The following EPHB1 variants were observed in gnomAD, a reference collection of about 807,000 sequenced individuals.
EPHB1 encodes ephrin type-B receptor 1.
EPHB1 carries 30 observed loss-of-function variants against 94.4 expected under a neutral mutation model. That is an observed-to-expected ratio of 0.32 (90% CI 0.24 to 0.43). The LOEUF is 0.43. EPHB1 is among the 20% of genes least tolerant of loss of function. The pLI, the probability that EPHB1 is intolerant of heterozygous loss-of-function variation, is 1.00. For synonymous variants in EPHB1, 522 were observed against 489.1 expected, an observed-to-expected ratio of 1.07 and a Z score of -0.89; for missense variants, 1,055 against 1,308.3, an observed-to-expected ratio of 0.81 and a Z score of 2.99.
intron 6 of EPHB1, 60 bp downstream of exon 6, chr3:135,154,336 G>A: frequency 6.2e-7 from 1 of 1,605,008 alleles, no homozygotes; most frequent in Non-Finnish European, 8.5e-7. Context: ...TCCATGGATG[G>A]TTGCTAGCTG....
At chr3:135,231,914 TACA>T (rs1943540233) in intron 12 of EPHB1, among the ~76,000 whole-genome samples, 1 of 152,178 alleles carries the variant, frequency 6.6e-6, no homozygotes, top group Non-Finnish European at 1.5e-5. Flanking sequence ...GGTAATAAAT[TACA>T]GTGTCACCAT....
chr3:135,198,725 G>A (rs1942685609), intron 11 of EPHB1, among the ~76,000 whole-genome samples: 1 of 152,202 alleles, frequency 6.6e-6, no homozygotes, highest in Non-Finnish European at 1.5e-5. Flanking sequence ...TGTTAGCAGG[G>A]ATCATTGCTA....
intron 3 of EPHB1, among the ~76,000 whole-genome samples, chr3:135,018,933 G>T (rs184507170): frequency 6.6e-6 from 1 of 152,320 alleles, no homozygotes; most frequent in Admixed American, 6.5e-5. Context: ...TAGGGACTGA[G>T]AGATAGGAAT....
chr3:135,162,186 G>A lies in EPHB1; in HGVS notation c.1585+6G>A, dbSNP rs1941527821. ...CTTCCAGACTCTGACTGACGGTAAG[G>A]GTCGGGGAGGGCAGTGGCATAATCA... On this transcript the variant is annotated splice_donor_region_variant and intron_variant, in intron 7 of 15. Transcript: ENST00000398015. 1.3e-6 allele frequency: 2 copies of A among 1,593,996 alleles called. No individual in the cohort carries two copies. The highest frequency in any genetic ancestry group is 1.7e-4 in the Middle Eastern group (1 of 5,982).
chr3:135,166,111 C>G (rs1434171520), intron 8 of EPHB1, 35 bp downstream of exon 8: 1 of 1,528,728 alleles, frequency 6.5e-7, no homozygotes, highest in Non-Finnish European at 9.1e-7. Context: ...CTCCTTGGAC[C>G]CAGGAAGCCC....
At chr3:135,148,172 G>A (rs1395866719) in intron 5 of EPHB1, among the ~76,000 whole-genome samples, 1 of 152,166 alleles carries the variant, frequency 6.6e-6, no homozygotes, top group Non-Finnish European at 1.5e-5. Flanking sequence ...TAGAAAAAAA[G>A]CATCAAGTAA....
chr3:135,199,791 G>T (rs555552833), intron 11 of EPHB1, among the ~76,000 whole-genome samples: 1 of 152,188 alleles, frequency 6.6e-6, no homozygotes, highest in Non-Finnish European at 1.5e-5. Flanking sequence ...CTTTTTGATT[G>T]TTGTTGTTGT....
intron 3 of EPHB1, among the ~76,000 whole-genome samples, chr3:134,972,396 GTATAT>G (rs1294825134): frequency 6.9e-6 from 1 of 144,056 alleles, no homozygotes; most frequent in African/African-American, 2.5e-5. Context: ...AAATATATAA[GTATAT>G]TATATATCTT....
chr3:135,259,145 G>C lies in EPHB1; in HGVS notation c.*25G>C. 1 of 1,576,594 alleles carries C rather than the reference G, an allele frequency of 6.3e-7. No individual in the cohort carries two copies. Among genetic ancestry groups the C allele is most frequent in the East Asian group, 2.3e-5 (1 of 43,892 alleles). ...AGAACTCTTGTTTCTTGGGGAAGGA[G>C]AGGAGGGAAAAGGACCAGGGTCAAG... On this transcript the variant is annotated 3_prime_UTR_variant, in exon 16 of 16. Coordinates refer to ENST00000398015, the MANE Select transcript of EPHB1 (RefSeq NM_004441.5).
At chr3:134,857,025 G>A (rs1415080496) in intron 1 of EPHB1, among the ~76,000 whole-genome samples, 1 of 152,196 alleles carries the variant, frequency 6.6e-6, no homozygotes, top group Non-Finnish European at 1.5e-5. Flanking sequence ...CAGTGTTTAG[G>A]CAGGTTCTTT....
intron 3 of EPHB1, among the ~76,000 whole-genome samples, chr3:135,068,895 G>A (rs1385427921): frequency 2.0e-5 from 3 of 151,304 alleles, no homozygotes; most frequent in East Asian, 2.0e-4. Context: ...TGATCTGCCC[G>A]CCCCGGCCTC....
chr3:135,060,697 T>C (rs1307485619), intron 3 of EPHB1, among the ~76,000 whole-genome samples: 1 of 152,212 alleles, frequency 6.6e-6, no homozygotes, highest in East Asian at 1.9e-4. Flanking sequence ...ATACATGAGA[T>C]GTTTGATAGA....
At chr3:134,936,728 G>T (rs1431935645) in intron 2 of EPHB1, among the ~76,000 whole-genome samples, 1 of 152,156 alleles carries the variant, frequency 6.6e-6, no homozygotes, top group African/African-American at 2.4e-5. Flanking sequence ...TGTCACGAAG[G>T]ACAGCCTACA....
At chr3:134,902,095 T>C (rs1252681628) in intron 1 of EPHB1, among the ~76,000 whole-genome samples, 1 of 152,078 alleles carries the variant, frequency 6.6e-6, no homozygotes, top group Non-Finnish European at 1.5e-5. Context: ...TTTATAGAAG[T>C]CCGACCTGTC....
Position 135,170,216 on chromosome 3 carries a change from C to A in EPHB1, c.1759+3210C>A, listed in dbSNP as rs914667049. 5.3e-5 allele frequency among the ~76,000 whole-genome samples: 8 copies of A among 152,318 alleles called. No individual in the cohort carries two copies. The East Asian group carries it at 1.5e-3, about 29-fold the overall frequency. ...GCAGCCCCTCCCCTCCCAGACCTTCCTTTCAAACTGATGCAAAGGCTGAAG... is the reference window on the plus strand; with the variant it reads ...GCAGCCCCTCCCCTCCCAGACCTTCATTTCAAACTGATGCAAAGGCTGAAG... On this transcript the variant is annotated intron_variant, in intron 9 of 15. Transcript: ENST00000398015.
At chr3:135,085,659 G>C (rs1938334904) in intron 3 of EPHB1, among the ~76,000 whole-genome samples, 1 of 152,228 alleles carries the variant, frequency 6.6e-6, no homozygotes, top group Non-Finnish European at 1.5e-5. Context: ...GGGCCTCTCA[G>C]CATTGCCCAG....
intron 1 of EPHB1, among the ~76,000 whole-genome samples, chr3:134,843,542 T>C (rs1295910435): frequency 6.6e-6 from 1 of 152,084 alleles, no homozygotes; most frequent in Non-Finnish European, 1.5e-5. Context: ...TGTTAATCAA[T>C]GGATTTCTGA....
chr3:135,084,449 G>A (rs1938272220), intron 3 of EPHB1, among the ~76,000 whole-genome samples: 2 of 152,220 alleles, frequency 1.3e-5, no homozygotes, highest in Admixed American at 1.3e-4. Context: ...TTGTGGCAAG[G>A]ACTGCACCTT....
chr3:134,980,870 T>C (rs1342182593), intron 3 of EPHB1, among the ~76,000 whole-genome samples: 2 of 152,188 alleles, frequency 1.3e-5, no homozygotes, highest in African/African-American at 4.8e-5. Context: ...GGAGGGACAA[T>C]ATTTCCTCTG....
Sources: gnomAD v4.1 joint callset for allele counts (sites outside exome capture counted in the v4.1 genomes callset) on GRCh38, gnomAD v4.1.1 for gene constraint, MANE v1.5 for transcripts, NCBI Gene and HGNC (gene_info 2026-07-23, HGNC 2026-07-21) for gene names.